Variants in KCNQ1 observed in about 807,000 individuals in gnomAD.
KCNQ1 encodes the protein potassium voltage-gated channel subfamily Q member 1.
In KCNQ1, 49 loss-of-function variants were observed where a neutral mutation model predicts 72.4. That is an observed-to-expected ratio of 0.68 (90% CI 0.54 to 0.86). KCNQ1 has a LOEUF of 0.86. Ranked by LOEUF, KCNQ1 falls within the 40% of genes least tolerant of loss-of-function variation. The probability of loss-of-function intolerance (pLI) is 0.00; values close to 1 mark genes in which losing one functional copy is unlikely to be tolerated. For missense variants in KCNQ1, 790 were observed against 945.1 expected, an observed-to-expected ratio of 0.84 and a Z score of 2.15; for synonymous variants, 450 against 412.6, an observed-to-expected ratio of 1.09 and a Z score of -1.10.
At position 2,458,679 on chromosome 11, in the gene KCNQ1, G is replaced by C. The variant is rs936580274; in HGVS notation, c.386+13195G>C. Among the ~76,000 whole-genome samples the C allele has an allele frequency of 1.9e-4, 22 of 116,214 alleles. No homozygotes were observed. Among genetic ancestry groups the C allele is most frequent in the African/African-American group, 8.7e-4 (22 of 25,236 alleles). The allele number at this position is 116,214 out of a possible 152,430, so 76.2% of individuals were successfully genotyped here. A position where few individuals can be genotyped will look rare whatever the true frequency, so the allele number is the denominator to read the frequency against. On this transcript the variant is annotated intron_variant, in intron 1 of 15. Coordinates refer to ENST00000155840, the MANE Select transcript of KCNQ1 (RefSeq NM_000218.3). This position sits in a 1 kb window ranked among gnomAD's most constrained non-coding sequence, Gnocchi z 4.6. ...TGGATGGATGGATGGATGGATGGATGGATGGATCGATCGATCTCACCAAGC... is the reference window on the plus strand; with the variant it reads ...TGGATGGATGGATGGATGGATGGATCGATGGATCGATCGATCTCACCAAGC...
intron 10 of KCNQ1, chr11:2,656,166 A>G (rs1849844662): frequency 2.5e-6 from 1 of 398,656 alleles, no homozygotes; most frequent in Non-Finnish European, 4.4e-6. Context: ...AAACATCAAA[A>G]TATGTTTTTT....
At position 2,724,582 on chromosome 11, in the gene KCNQ1, C is replaced by G. The variant is rs577839499; in HGVS notation, c.1515-44262C>G. Among the ~76,000 whole-genome samples, 2 of 152,322 alleles carry G rather than the reference C, an allele frequency of 1.3e-5. No individual in the cohort carries two copies. The highest frequency in any genetic ancestry group is 3.9e-4 in the East Asian group (2 of 5,178). On this transcript the variant is annotated intron_variant, in intron 11 of 15. Coordinates refer to ENST00000155840, the MANE Select transcript of KCNQ1 (RefSeq NM_000218.3). The surrounding 1 kb of genome is among the most constrained non-coding windows in gnomAD (Gnocchi z 6.8). ...ACCTAGGAAGGACCCCACTAGGAAC[C>G]CCTTCCCGCGGAAACACAGCTTCTC...
chr11:2,716,318 G>A (rs765396613), intron 11 of KCNQ1, among the ~76,000 whole-genome samples: 6 of 152,246 alleles, frequency 3.9e-5, no homozygotes, highest in East Asian at 1.9e-4. Flanking sequence ...GATGTGCTGC[G>A]GCTCTCAAGG....
chr11:2,449,365 C>T (rs1005664827), intron 1 of KCNQ1, among the ~76,000 whole-genome samples: 1 of 152,128 alleles, frequency 6.6e-6, no homozygotes, highest in Admixed American at 6.5e-5. Flanking sequence ...ATATAACGTG[C>T]GGGCTGCGTT....
intron 11 of KCNQ1, chr11:2,662,304 T>C (rs1849974336): frequency 5.0e-6 from 3 of 601,818 alleles, no homozygotes; most frequent in South Asian, 2.0e-5. Flanking sequence ...TGTTTTGACT[T>C]ATGGAAAACC....
Position 2,526,235 on chromosome 11 carries a change from G to C in KCNQ1, c.387-1693G>C, listed in dbSNP as rs1257457337. ...ACTGACTGGCTGGGTGTGTGGGCTG[G>C]GGGCGCCGAGGGTGGAGGTGGGCAC... On this transcript the variant is annotated intron_variant, in intron 1 of 15. Transcript: ENST00000155840. The surrounding 1 kb of genome is among the most constrained non-coding windows in gnomAD (Gnocchi z 6.1). Among the ~76,000 whole-genome samples, 4 of 152,064 alleles carry C rather than the reference G, an allele frequency of 2.6e-5. No homozygotes were observed. The highest frequency in any genetic ancestry group is 9.7e-5 in the African/African-American group (4 of 41,382).
chr11:2,797,942 G>A (rs988238975), intron 15 of KCNQ1, among the ~76,000 whole-genome samples: 2 of 152,296 alleles, frequency 1.3e-5, no homozygotes, highest in Non-Finnish European at 1.5e-5. Flanking sequence ...GCTGCTCAGG[G>A]TCATGGCCAA....
At chr11:2,807,411 A>G (rs1255127386) in intron 15 of KCNQ1, among the ~76,000 whole-genome samples, 1 of 152,164 alleles carries the variant, frequency 6.6e-6, no homozygotes, top group Non-Finnish European at 1.5e-5. Flanking sequence ...GGAGAGCGGG[A>G]CTGTGCCGCC....
intron 11 of KCNQ1, among the ~76,000 whole-genome samples, chr11:2,719,503 A>AC (rs1378534874): frequency 7.4e-5 from 11 of 148,938 alleles, no homozygotes; most frequent in South Asian, 2.1e-4. Context: ...AAACAAACAA[A>AC]AAAAAAAACC....
Position 2,498,337 on chromosome 11 carries a change from T to C in KCNQ1, c.387-29591T>C, listed in dbSNP as rs910167063. Among the ~76,000 whole-genome samples, 3 of 152,228 alleles carry C rather than the reference T, an allele frequency of 2.0e-5. No individual in the cohort carries two copies. The highest frequency in any genetic ancestry group is 2.9e-5 in the Non-Finnish European group (2 of 68,042). ...GTCCCAGGGAAATGGGAGTTTTATC[T>C]ATAATCCCCTGACTGGGGCTGCTGC... On this transcript the variant is annotated intron_variant, in intron 1 of 15. Coordinates refer to ENST00000155840, the MANE Select transcript of KCNQ1 (RefSeq NM_000218.3). This position sits in a 1 kb window ranked among gnomAD's most constrained non-coding sequence, Gnocchi z 4.8.
Position 2,471,932 on chromosome 11 carries a change from ATG to A in KCNQ1, c.386+26453_386+26454del, listed in dbSNP as rs1278543245. 7.2e-6 allele frequency among the ~76,000 whole-genome samples: 1 copy of A among 139,732 alleles called. No individual in the cohort carries two copies. The highest frequency in any genetic ancestry group is 1.5e-5 in the Non-Finnish European group (1 of 64,994). 91.7% of individuals were successfully genotyped at this position (139,732 alleles called of 152,430 possible). ...TGCACCTATGTGTGTATAGGCGTGTATGTGTGCGCGTGTGTAGGTGTGTGTTC... is the reference window on the plus strand; with the variant it reads ...TGCACCTATGTGTGTATAGGCGTGTATGTGCGCGTGTGTAGGTGTGTGTTC... On this transcript the variant is annotated intron_variant, in intron 1 of 15. Coordinates refer to ENST00000155840, the MANE Select transcript of KCNQ1 (RefSeq NM_000218.3). This position sits in a 1 kb window ranked among gnomAD's most constrained non-coding sequence, Gnocchi z 4.8.
At chr11:2,573,259 G>T (rs1329409487) in intron 6 of KCNQ1, among the ~76,000 whole-genome samples, 1 of 152,188 alleles carries the variant, frequency 6.6e-6, no homozygotes, top group Non-Finnish European at 1.5e-5. Context: ...TCACTGGAGC[G>T]TGTGTTGGGG....
At chr11:2,763,252 C>T (rs1846437921) in intron 11 of KCNQ1, among the ~76,000 whole-genome samples, 4 of 152,040 alleles carry the variant, frequency 2.6e-5, no homozygotes, top group Admixed American at 2.6e-4. Flanking sequence ...GTGTAGCAGT[C>T]TTACACATCT....
intron 10 of KCNQ1, among the ~76,000 whole-genome samples, chr11:2,604,388 G>T (rs1204195848): frequency 1.3e-5 from 2 of 151,702 alleles, no homozygotes; most frequent in Admixed American, 6.6e-5. Flanking sequence ...TGAGGCAAGA[G>T]AATTGCTTGA....
intron 2 of KCNQ1, among the ~76,000 whole-genome samples, chr11:2,545,793 T>C (rs1847895697): frequency 6.6e-6 from 1 of 152,196 alleles, no homozygotes; most frequent in South Asian, 2.1e-4. Context: ...GGGTGTTAAT[T>C]GTATTGGCAT....
intron 15 of KCNQ1, among the ~76,000 whole-genome samples, chr11:2,801,227 G>A (rs978304796): frequency 2.0e-5 from 3 of 152,198 alleles, no homozygotes; most frequent in Non-Finnish European, 4.4e-5. Context: ...TGGCTGTCAC[G>A]TGGAGCTGTC....
In KCNQ1 at chr11:2,659,597, T is replaced by C. The variant is rs1849914378; in HGVS notation, c.1394-2364T>C. On this transcript the variant is annotated intron_variant, in intron 10 of 15. Transcript: ENST00000155840. The surrounding 1 kb of genome is among the most constrained non-coding windows in gnomAD (Gnocchi z 4.3). ...GTACAGGTTTTTGCGAACATAAAAA[T>C]TCAATTCACTTGGGTGGGAAAGGAA... 2.5e-6 allele frequency: 1 copy of C among 398,544 alleles called. No individual in the cohort carries two copies. The highest frequency in any genetic ancestry group is 4.4e-5 in the Admixed American group (1 of 22,734). 24.7% of individuals were successfully genotyped at this position (398,544 alleles called of 1,614,324 possible). A position where few individuals can be genotyped will look rare whatever the true frequency, so the allele number is the denominator to read the frequency against.
chr11:2,631,430 T>TA (rs2133816762), intron 10 of KCNQ1: 1 of 398,610 alleles, frequency 2.5e-6, no homozygotes. Context: ...ATGTTTGTTT[T>TA]TTTTTTAGGA....
At chr11:2,527,303 C>A (rs973742785) in intron 1 of KCNQ1, among the ~76,000 whole-genome samples, 16 of 152,298 alleles carry the variant, frequency 1.1e-4, no homozygotes, top group Admixed American at 7.2e-4. Flanking sequence ...GGTGTCAGGA[C>A]CCCCACCTGG....
Sources: gnomAD v4.1 joint callset for allele counts (sites outside exome capture counted in the v4.1 genomes callset) on GRCh38, gnomAD v4.1.1 for gene constraint, Gnocchi (gnomAD v3.1) non-coding constraint, MANE v1.5 for transcripts, NCBI Gene and HGNC (gene_info 2026-07-23, HGNC 2026-07-21) for gene names.